Variants in CDCP1 observed in about 807,000 individuals in gnomAD.
The protein encoded by CDCP1 is CUB domain containing protein 1.
Under a neutral mutation model 60.2 loss-of-function variants are expected in CDCP1, and 29 were observed. The observed-to-expected ratio is 0.48, with a 90% CI of 0.36 to 0.66. The LOEUF (loss-of-function observed/expected upper bound fraction) is 0.66, where lower values mean the gene tolerates loss of function less well. CDCP1 is among the 30% of genes least tolerant of loss of function. CDCP1 has a pLI of 0.00. For synonymous variants in CDCP1, 387 were observed against 431.1 expected, an observed-to-expected ratio of 0.90 and a Z score of 1.27; for missense variants, 876 against 1,074.3, an observed-to-expected ratio of 0.82 and a Z score of 2.58.
At position 45,090,475 on chromosome 3, in the gene CDCP1, C is replaced by T. The variant is rs17077257; in HGVS notation, c.1993+698G>A. Among the ~76,000 whole-genome samples the T allele has an allele frequency of 7.7e-4, 118 of 152,322 alleles. 1 individual carries two copies. The highest frequency in any genetic ancestry group is 2.7e-3 in the African/African-American group (114 of 41,552). ...AACAAAAAACCATGTACCTGTCAGA[C>T]TTTTCAGGTCCCCATATTTTAATTC... On this transcript the variant is annotated intron_variant, in intron 7 of 8. Transcript: ENST00000296129.
intron 4 of CDCP1, among the ~76,000 whole-genome samples, chr3:45,099,483 G>T (rs1196970186): frequency 2.0e-5 from 3 of 152,004 alleles, no homozygotes; most frequent in Non-Finnish European, 4.4e-5. Flanking sequence ...CTTGGTGTGG[G>T]TCTATTTATA....
intron 4 of CDCP1, among the ~76,000 whole-genome samples, chr3:45,102,487 G>A (rs1698497150): frequency 6.6e-6 from 1 of 151,218 alleles, no homozygotes; most frequent in Admixed American, 6.6e-5. Flanking sequence ...TTAACCTTTC[G>A]ATATATATCT....
At position 45,110,846 on chromosome 3, in the gene CDCP1, T is replaced by C; in HGVS notation, c.656-5A>G. On this transcript the variant is annotated splice_polypyrimidine_tract_variant and splice_region_variant and intron_variant, in intron 3 of 8. Coordinates refer to ENST00000296129, the MANE Select transcript of CDCP1 (RefSeq NM_022842.5). ...CAGACTCGATGATGCACAGACCTAGTGGGAGTGGAACCCAAACCAGAAAGA... is the reference window on the plus strand; with the variant it reads ...CAGACTCGATGATGCACAGACCTAGCGGGAGTGGAACCCAAACCAGAAAGA... 2 of 1,605,450 alleles carry C rather than the reference T, an allele frequency of 1.2e-6. No homozygotes were observed. Among genetic ancestry groups the C allele is most frequent in the Non-Finnish European group, 1.7e-6 (2 of 1,174,110 alleles).
chr3:45,107,396 T>C (rs1449436408), intron 4 of CDCP1, among the ~76,000 whole-genome samples: 3 of 151,890 alleles, frequency 2.0e-5, no homozygotes, highest in Non-Finnish European at 4.4e-5. Flanking sequence ...TTAGTAGAGA[T>C]GGGGTTTCAC....
intron 1 of CDCP1, among the ~76,000 whole-genome samples, chr3:45,123,298 T>C (rs1026529918): frequency 6.6e-6 from 1 of 152,198 alleles, no homozygotes; most frequent in Non-Finnish European, 1.5e-5. Context: ...CGTTCTACTG[T>C]CCAGCTGTAG....
At chr3:45,123,853 C>T (rs1698928247) in intron 1 of CDCP1, among the ~76,000 whole-genome samples, 1 of 152,148 alleles carries the variant, frequency 6.6e-6, no homozygotes, top group Non-Finnish European at 1.5e-5. Flanking sequence ...TAGAAATGCT[C>T]CAGATTCTGG....
intron 2 of CDCP1, among the ~76,000 whole-genome samples, chr3:45,113,160 A>C (rs1246529140): frequency 6.6e-6 from 1 of 152,160 alleles, no homozygotes; most frequent in African/African-American, 2.4e-5. Context: ...CCATCCTTTA[A>C]AACTGGTTTC....
intron 7 of CDCP1, among the ~76,000 whole-genome samples, chr3:45,090,935 A>G (rs1178339572): frequency 1.3e-5 from 2 of 152,216 alleles, no homozygotes; most frequent in African/African-American, 4.8e-5. Context: ...CTGAGCCCTG[A>G]TAAGTCCAGC....
At chr3:45,108,908 T>G in intron 4 of CDCP1, among the ~76,000 whole-genome samples, 1 of 70,924 alleles carries the variant, frequency 1.4e-5, no homozygotes, top group South Asian at 6.0e-4. Flanking sequence ...TATATGCATG[T>G]ATACATATAT....
At chr3:45,123,917 T>C (rs1323619569) in intron 1 of CDCP1, among the ~76,000 whole-genome samples, 1 of 152,174 alleles carries the variant, frequency 6.6e-6, no homozygotes, top group Non-Finnish European at 1.5e-5. Context: ...ACTAGAGCAG[T>C]GCATGGGCTC....
intron 1 of CDCP1, among the ~76,000 whole-genome samples, chr3:45,122,144 A>ATTTT (rs145595755): frequency 1.4e-5 from 2 of 138,322 alleles, no homozygotes; most frequent in Non-Finnish European, 3.1e-5. Context: ...TATAATCTGT[A>ATTTT]TTTTTTTTTT....
intron 1 of CDCP1, among the ~76,000 whole-genome samples, chr3:45,123,935 T>G (rs1441859868): frequency 6.6e-6 from 1 of 152,110 alleles, no homozygotes; most frequent in East Asian, 1.9e-4. Context: ...CTCCTGGGCT[T>G]AGGGCATTTG....
intron 1 of CDCP1, among the ~76,000 whole-genome samples, chr3:45,145,537 A>C (rs1699366644): frequency 6.6e-6 from 1 of 152,050 alleles, no homozygotes; most frequent in Non-Finnish European, 1.5e-5. Context: ...AAAAAGTGCG[A>C]GGGGCGCGGG....
chr3:45,125,762 T>C (rs1698968745), intron 1 of CDCP1, among the ~76,000 whole-genome samples: 2 of 152,220 alleles, frequency 1.3e-5, no homozygotes, highest in South Asian at 4.1e-4. Flanking sequence ...GCACTCACTG[T>C]CAGGGCAGTG....
intron 1 of CDCP1, among the ~76,000 whole-genome samples, chr3:45,122,887 T>A (rs1435618286): frequency 6.6e-6 from 1 of 152,150 alleles, no homozygotes; most frequent in Non-Finnish European, 1.5e-5. Flanking sequence ...TCCCTGCCCT[T>A]AGGGAATTAA....
intron 4 of CDCP1, among the ~76,000 whole-genome samples, chr3:45,103,020 T>C (rs1224309057): frequency 6.6e-6 from 1 of 152,118 alleles, no homozygotes. Context: ...ATCTTAAGTG[T>C]TCAGTGTGAT....
At chr3:45,105,579 TC>T (rs1698549384) in intron 4 of CDCP1, among the ~76,000 whole-genome samples, 1 of 152,146 alleles carries the variant, frequency 6.6e-6, no homozygotes. Context: ...TTTGGTATTT[TC>T]AGGAAAGCAA....
At chr3:45,110,095 A>G in intron 4 of CDCP1, 1 of 583,660 alleles carries the variant, frequency 1.7e-6, no homozygotes, top group Non-Finnish European at 2.3e-6. Flanking sequence ...ATGTGTCCAT[A>G]GTAGGGGTGC....
rs75645920 is a variant in CDCP1 at position 45,105,725 on chromosome 3, A to G, written c.1024+4748T>C. ...ATATAGATGGGTAGAATACTGTACC[A>G]TTAACTCACATAATCATTATCAGCA... On this transcript the variant is annotated intron_variant, in intron 4 of 8. Coordinates refer to ENST00000296129, the MANE Select transcript of CDCP1 (RefSeq NM_022842.5). Among the ~76,000 whole-genome samples, 675 of 152,354 alleles carry G rather than the reference A, an allele frequency of 4.4e-3. 4 individuals are homozygous for G. The highest frequency in any genetic ancestry group is 0.015 in the African/African-American group (642 of 41,588).
Sources: allele counts gnomAD v4.1 joint callset (sites outside exome capture counted in the v4.1 genomes callset), GRCh38; gene constraint gnomAD v4.1.1; transcripts MANE v1.5; gene names NCBI Gene and HGNC (gene_info 2026-07-23, HGNC 2026-07-21).